The following COL14A1 variants were observed in gnomAD, a reference collection of about 807,000 sequenced individuals.
COL14A1 encodes the protein collagen type XIV alpha 1 chain.
Under a neutral mutation model 230.3 loss-of-function variants are expected in COL14A1, and 136 were observed. The observed-to-expected ratio is 0.59, with a 90% CI of 0.51 to 0.68. The LOEUF (loss-of-function observed/expected upper bound fraction) is 0.68, where lower values mean the gene tolerates loss of function less well. COL14A1 is among the 30% of genes least tolerant of loss of function. The probability of loss-of-function intolerance (pLI) is 0.00; values close to 1 mark genes in which losing one functional copy is unlikely to be tolerated. For synonymous variants in COL14A1, 792 were observed against 784.1 expected (o/e 1.01, Z -0.17); for missense variants, 1,976 against 2,215.8 (o/e 0.89, Z 2.17).
intron 1 of COL14A1, among the ~76,000 whole-genome samples, chr8:120,145,564 A>G (rs1218317267): frequency 6.6e-6 from 1 of 152,220 alleles, no homozygotes; most frequent in Non-Finnish European, 1.5e-5. Flanking sequence ...GGTTGCAGTG[A>G]GCAGATCGCA....
At chr8:120,255,402 T>C in intron 23 of COL14A1, 46 bp downstream of exon 23, 1 of 1,379,640 alleles carries the variant, frequency 7.2e-7, no homozygotes, top group Non-Finnish European at 1.0e-6. Context: ...ATTTGTGTAT[T>C]TGATTCTTTG....
At position 120,278,142 on chromosome 8, in the gene COL14A1, G is replaced by T; in HGVS notation, c.3245G>T (p.Arg1082Ile). Residue 1082 changes from arginine to isoleucine, a missense_variant, in exon 27 of 48, where the codon AGA becomes ATA. Physicochemically the swap from Arg to Ile is moderately conservative, Grantham distance 97. Transcript: ENST00000297848. ...ATGGTTCAGTTCACTGATGATCCCAGAACAGAATTTAAACTAAATGCTTAC... is the reference window on the plus strand; with the variant it reads ...ATGGTTCAGTTCACTGATGATCCCATAACAGAATTTAAACTAAATGCTTAC... ...VAMVQFTDDP[R>I]TEFKLNAYKT... 6.2e-7 allele frequency: 1 copy of T among 1,611,356 alleles called. No homozygotes were observed. Among genetic ancestry groups the T allele is most frequent in the South Asian group, 1.1e-5 (1 of 90,766 alleles).
Position 120,289,615 on chromosome 8 carries a change from T to C in COL14A1, c.4085T>C (p.Ile1362Thr), listed in dbSNP as rs749015435. ...IFYGSFHKLH[I>T]VVSETLVKVV... is the part of the protein sequence containing the mutation. The stretch of plus-strand genomic sequence containing the variant: ...CATCTTACTTTTACCTAGCTACACA[T>C]TGTTGTCAGTGAGACTTTGGTCAAA... Residue 1362 changes from isoleucine to threonine, a missense_variant, in exon 34 of 48, where the codon ATT becomes ACT. Ile to Thr is a moderately conservative substitution (Grantham distance 89). Coordinates refer to ENST00000297848, the MANE Select transcript of COL14A1 (RefSeq NM_021110.4). 40 of 1,613,694 alleles carry C rather than the reference T, an allele frequency of 2.5e-5. No individual in the cohort carries two copies. Among genetic ancestry groups the C allele is most frequent in the Non-Finnish European group, 3.2e-5 (38 of 1,179,902 alleles).
intron 37 of COL14A1, 127 bp downstream of exon 37, chr8:120,310,189 A>C: frequency 1.2e-6 from 1 of 864,432 alleles, no homozygotes; most frequent in Non-Finnish European, 1.8e-6. Flanking sequence ...GTTTTATGAA[A>C]GTTGTGCCTA....
intron 42 of COL14A1, among the ~76,000 whole-genome samples, chr8:120,334,192 A>G (rs1388851599): frequency 6.6e-6 from 1 of 152,158 alleles, no homozygotes; most frequent in South Asian, 2.1e-4. Context: ...TAATAAAATT[A>G]TTTCATCCTC....
chr8:120,274,758 T>C (rs935143449), intron 26 of COL14A1, among the ~76,000 whole-genome samples: 1 of 151,292 alleles, frequency 6.6e-6, no homozygotes, highest in African/African-American at 2.4e-5. Context: ...GCAAAAAAAA[T>C]AGACATACCT....
chr8:120,286,578 T>C (rs1993389), intron 33 of COL14A1, among the ~76,000 whole-genome samples: 20,675 of 152,102 alleles, frequency 0.14, 1,523 homozygotes, highest in Non-Finnish European at 0.16. Context: ...GGCGCGATCT[T>C]GGCTCACTAC....
Position 120,341,370 on chromosome 8 carries a change from C to A in COL14A1, c.4821+10C>A. 6.2e-7 allele frequency: 1 copy of A among 1,613,926 alleles called. No individual in the cohort carries two copies. Among genetic ancestry groups the A allele is most frequent in the Non-Finnish European group, 8.5e-7 (1 of 1,179,964 alleles). On this transcript the variant is annotated intron_variant, in intron 43 of 47. Coordinates refer to ENST00000297848, the MANE Select transcript of COL14A1 (RefSeq NM_021110.4). The stretch of plus-strand genomic sequence containing the variant: ...GGAACGAGGAGAGCGGGTAAGTATC[C>A]TGTGGCTCTGCTTTCTGGCCCCAGC...
At chr8:120,164,090 CTT>C (rs756802919) in intron 4 of COL14A1, among the ~76,000 whole-genome samples, 2 of 152,102 alleles carry the variant, frequency 1.3e-5, no homozygotes, top group East Asian at 1.9e-4. Flanking sequence ...AAAACAGACT[CTT>C]TTAAAAAACC....
chr8:120,193,119 G>A lies in COL14A1; in HGVS notation c.437-3672G>A, dbSNP rs566553280. ...TGCGTTCCTTTGGAGGAGGATAGGCGCTCTGCTTTTTAGAGTTTCCAGTTT... is the reference window on the plus strand; with the variant it reads ...TGCGTTCCTTTGGAGGAGGATAGGCACTCTGCTTTTTAGAGTTTCCAGTTT... On this transcript the variant is annotated intron_variant, in intron 5 of 47. Transcript: ENST00000297848. Among the ~76,000 whole-genome samples, 512 of 152,310 alleles carry A rather than the reference G, an allele frequency of 3.4e-3. 1 individual carries two copies. In the Middle Eastern group the frequency reaches 0.037, roughly 11 times the overall value.
At chr8:120,190,993 C>G (rs1816804730) in intron 5 of COL14A1, among the ~76,000 whole-genome samples, 1 of 147,168 alleles carries the variant, frequency 6.8e-6, no homozygotes, top group Admixed American at 6.8e-5. Context: ...TTCAAAAAAC[C>G]AGCTCCTGGA....
At chr8:120,330,775 G>A (rs1357921348) in intron 40 of COL14A1, among the ~76,000 whole-genome samples, 1 of 152,104 alleles carries the variant, frequency 6.6e-6, no homozygotes, top group Non-Finnish European at 1.5e-5. Context: ...GACACCTTGA[G>A]GTAGGGAGAC....
In COL14A1 at chr8:120,304,979, CT is replaced by C. The variant is rs1203765080; in HGVS notation, c.4401+4177del. ...AGCAATCTCTGTACAACTGTGAAAA[CT>C]TTTTTTTTTTTTTTTGAGACGGAGT... On this transcript the variant is annotated intron_variant, in intron 36 of 47. Coordinates refer to ENST00000297848, the MANE Select transcript of COL14A1 (RefSeq NM_021110.4). Among the ~76,000 whole-genome samples the C allele has an allele frequency of 4.3e-3, 599 of 140,838 alleles. 1 individual carries two copies. Among genetic ancestry groups the C allele is most frequent in the East Asian group, 5.6e-3 (27 of 4,846 alleles). The allele number at this position is 140,838 out of a possible 152,430, so 92.4% of individuals were successfully genotyped here. A position where few individuals can be genotyped will look rare whatever the true frequency, so the allele number is the denominator to read the frequency against.
chr8:120,158,304 TA>T, intron 3 of COL14A1, 58 bp downstream of exon 3: 1 of 935,244 alleles, frequency 1.1e-6, no homozygotes, highest in Non-Finnish European at 1.8e-6. Flanking sequence ...CATAGGCAAC[TA>T]AAAACATGTA....
intron 14 of COL14A1, among the ~76,000 whole-genome samples, chr8:120,223,932 G>A (rs991978647): frequency 6.0e-5 from 9 of 150,542 alleles, no homozygotes; most frequent in African/African-American, 1.9e-4. Context: ...ACTATGCAGC[G>A]CTGCAGCCCC....
At chr8:120,266,158 GCC>G in intron 24 of COL14A1, among the ~76,000 whole-genome samples, 1 of 152,122 alleles carries the variant, frequency 6.6e-6, no homozygotes, top group African/African-American at 2.4e-5. Flanking sequence ...CTGATGCTTT[GCC>G]ACATGAGCTG....
intron 40 of COL14A1, among the ~76,000 whole-genome samples, chr8:120,316,707 A>G (rs1192945120): frequency 1.3e-5 from 2 of 152,242 alleles, no homozygotes; most frequent in South Asian, 2.1e-4. Context: ...AGGAAGTACC[A>G]TCTAGGCTGA....
intron 17 of COL14A1, among the ~76,000 whole-genome samples, chr8:120,228,079 G>A (rs1349357397): frequency 6.6e-6 from 1 of 152,104 alleles, no homozygotes; most frequent in East Asian, 1.9e-4. Flanking sequence ...AGACAAAGGG[G>A]CTGAGACTTC....
intron 36 of COL14A1, among the ~76,000 whole-genome samples, chr8:120,308,682 C>T (rs1820926970): frequency 1.3e-5 from 2 of 152,166 alleles, no homozygotes. Flanking sequence ...TAAAGATCAC[C>T]TGACCCAGTG....
Sources: gnomAD v4.1 joint callset for allele counts (sites outside exome capture counted in the v4.1 genomes callset) on GRCh38, gnomAD v4.1.1 for gene constraint, MANE v1.5 for transcripts, NCBI Gene and HGNC (gene_info 2026-07-23, HGNC 2026-07-21) for gene names.